Variants in CRLF3 observed in about 807,000 individuals in gnomAD.
The protein encoded by CRLF3 is cytokine receptor like factor 3.
In CRLF3, 33 loss-of-function variants were observed where a neutral mutation model predicts 55.0. The ratio of observed to expected loss-of-function variants is 0.60; its 90% CI spans 0.46 to 0.80. CRLF3 has a LOEUF of 0.80. Among genes scored for constraint, CRLF3 ranks in the 30% least tolerant of loss-of-function variants. The pLI is 0.00. For synonymous variants in CRLF3, 238 were observed against 196.8 expected (o/e 1.21, Z -1.75); for missense variants, 494 against 538.4 (o/e 0.92, Z 0.82).
chr17:30,822,047 T>C (rs1463573940), intron 1 of CRLF3, among the ~76,000 whole-genome samples: 1 of 134,250 alleles, frequency 7.4e-6, no homozygotes, highest in East Asian at 2.1e-4. Flanking sequence ...AACAAAACCC[T>C]GTCCGCACCC....
intron 3 of CRLF3, 95 bp from the exon 4 acceptor site, chr17:30,796,432 G>C: frequency 1.2e-6 from 1 of 869,042 alleles, no homozygotes; most frequent in Admixed American, 2.9e-5. Context: ...GAAAGATCCT[G>C]AAGCCCCCAG....
chr17:30,789,646 A>C (rs928869817), intron 6 of CRLF3, among the ~76,000 whole-genome samples: 1 of 152,208 alleles, frequency 6.6e-6, no homozygotes, highest in East Asian at 1.9e-4. Context: ...TCTATGCCTC[A>C]GTTTCCTCAT....
Position 30,783,955 on chromosome 17 carries a change from TTGTGA to T in CRLF3, c.*227_*231del, listed in dbSNP as rs370176604. The T allele has an allele frequency of 3.7e-3, 1,695 of 456,226 alleles. 28 individuals are homozygous for T. Among genetic ancestry groups the T allele is most frequent in the African/African-American group, 0.031 (1,541 of 50,212 alleles). The allele number at this position is 456,226 out of a possible 1,614,324, so 28.3% of individuals were successfully genotyped here. On this transcript the variant is annotated 3_prime_UTR_variant, in exon 8 of 8. Coordinates refer to ENST00000324238, the MANE Select transcript of CRLF3 (RefSeq NM_015986.4). ...ACTTTTAATGCCAATTTGATTTTTATTGTGATGTGATATTTAACAGTATGCTAAAA... is the reference window on the plus strand; with the variant it reads ...ACTTTTAATGCCAATTTGATTTTTATTGTGATATTTAACAGTATGCTAAAA...
At chr17:30,820,615 A>C (rs1333944296) in intron 1 of CRLF3, among the ~76,000 whole-genome samples, 2 of 152,198 alleles carry the variant, frequency 1.3e-5, no homozygotes, top group East Asian at 3.9e-4. Flanking sequence ...AACATGGTGA[A>C]ACCCTGTCTC....
intron 6 of CRLF3, among the ~76,000 whole-genome samples, chr17:30,788,596 C>CTTTTTT (rs1429494338): frequency 4.2e-5 from 5 of 120,278 alleles, no homozygotes; most frequent in African/African-American, 1.1e-4. Flanking sequence ...AAAGTAGTGC[C>CTTTTTT]TTCTTTTTTT....
At chr17:30,799,800 C>T (rs1432844452) in intron 2 of CRLF3, among the ~76,000 whole-genome samples, 4 of 152,086 alleles carry the variant, frequency 2.6e-5, no homozygotes, top group Admixed American at 6.6e-5. Context: ...CCACCGCGCC[C>T]GGCCAGGATT....
rs185684608 is a variant in CRLF3 at position 30,823,429 on chromosome 17, A to T, written c.129+1094T>A. 2.0e-5 allele frequency among the ~76,000 whole-genome samples: 3 copies of T among 151,810 alleles called. No homozygotes were observed. The Admixed American group carries it at 2.0e-4, about 10-fold the overall frequency. On this transcript the variant is annotated intron_variant, in intron 1 of 7. Coordinates refer to ENST00000324238, the MANE Select transcript of CRLF3 (RefSeq NM_015986.4). ...TGTATATGTTTTATATATATATATA[A>T]AACCCAAAACATGTTGAGTCGTTAA...
chr17:30,814,926 C>A (rs1410598906), intron 1 of CRLF3, among the ~76,000 whole-genome samples: 1 of 151,818 alleles, frequency 6.6e-6, no homozygotes, highest in Non-Finnish European at 1.5e-5. Context: ...ACTTGAACCC[C>A]CGGGAGGCGG....
In CRLF3 at chr17:30,784,141, G is replaced by A. The variant is rs1971576376; in HGVS notation, c.*46C>T. 1 of 1,565,160 alleles carries A rather than the reference G, an allele frequency of 6.4e-7. No individual in the cohort carries two copies. Among genetic ancestry groups the A allele is most frequent in the Non-Finnish European group, 8.7e-7 (1 of 1,151,128 alleles). ...GCAATTACAACTACGCTGGGCTGAGGACAGCTACGTTAGACCCTGAAAACC... is the reference window on the plus strand; with the variant it reads ...GCAATTACAACTACGCTGGGCTGAGAACAGCTACGTTAGACCCTGAAAACC... On this transcript the variant is annotated 3_prime_UTR_variant, in exon 8 of 8. Transcript: ENST00000324238.
At chr17:30,812,239 G>A (rs1360741682) in intron 1 of CRLF3, among the ~76,000 whole-genome samples, 1 of 152,062 alleles carries the variant, frequency 6.6e-6, no homozygotes, top group East Asian at 1.9e-4. Context: ...ATTTGTCTTT[G>A]TACTGACACC....
intron 2 of CRLF3, among the ~76,000 whole-genome samples, chr17:30,799,787 G>A (rs1971978013): frequency 6.6e-6 from 1 of 152,080 alleles, no homozygotes; most frequent in African/African-American, 2.4e-5. Context: ...TTACAGGCAC[G>A]AGCCACCGCG....
In CRLF3 at chr17:30,788,599, CTTTTTTTTT is replaced by C. The variant is rs1159336036; in HGVS notation, c.960-2577_960-2569del. The stretch of plus-strand genomic sequence containing the variant: ...GGGATAAATAACAAAGTAGTGCCTT[CTTTTTTTTT>C]TTTTTTTTTTTTTTTTTGAGACAGC... On this transcript the variant is annotated intron_variant, in intron 6 of 7. Transcript: ENST00000324238. 9.5e-4 allele frequency among the ~76,000 whole-genome samples: 76 copies of C among 80,040 alleles called. 1 individual carries two copies. The highest frequency in any genetic ancestry group is 3.4e-3 in the African/African-American group (58 of 17,234). The allele number at this position is 80,040 out of a possible 152,430, so 52.5% of individuals were successfully genotyped here.
intron 1 of CRLF3, among the ~76,000 whole-genome samples, chr17:30,807,145 A>G (rs73988187): frequency 0.07 from 10,634 of 152,176 alleles, 1,224 homozygotes; most frequent in African/African-American, 0.24. Context: ...AGCCACTCCG[A>G]TAAGTTAAAG....
At chr17:30,792,391 A>G (rs1389517128) in intron 6 of CRLF3, 49 bp downstream of exon 6, 2 of 1,559,322 alleles carry the variant, frequency 1.3e-6, no homozygotes, top group East Asian at 2.3e-5. Context: ...TGCTCTATGC[A>G]CTTCACTCTG....
At chr17:30,804,998 C>T (rs748606333) in intron 1 of CRLF3, among the ~76,000 whole-genome samples, 12 of 151,998 alleles carry the variant, frequency 7.9e-5, no homozygotes, top group Non-Finnish European at 1.5e-4. Flanking sequence ...GCCTGGCCAA[C>T]GTAGTGAAAC....
chr17:30,792,408 G>T lies in CRLF3; in HGVS notation c.959+32C>A, dbSNP rs200913309. 6 of 1,585,872 alleles carry T rather than the reference G, an allele frequency of 3.8e-6. No individual in the cohort carries two copies. In the African/African-American group the frequency reaches 8.1e-5, roughly 21 times the overall value. ...CTCTATGCACTTCACTCTGCTTCCT[G>T]AGGCAGGTGAGATGTTTTAATATCT... is the stretch of plus-strand genomic sequence containing the variant. On this transcript the variant is annotated intron_variant, in intron 6 of 7. Transcript: ENST00000324238.
intron 2 of CRLF3, among the ~76,000 whole-genome samples, chr17:30,802,207 C>G (rs545513242): frequency 1.0e-3 from 152 of 151,572 alleles, no homozygotes; most frequent in Non-Finnish European, 2.0e-3. Context: ...ACTGCAACCT[C>G]CGCCTCCCGG....
chr17:30,796,435 G>A, intron 3 of CRLF3, 98 bp from the exon 4 acceptor site: 1 of 854,728 alleles, frequency 1.2e-6, no homozygotes, highest in Non-Finnish European at 1.8e-6. Flanking sequence ...AGATCCTGAA[G>A]CCCCCAGTAA....
At chr17:30,811,195 C>T (rs1567667048) in intron 1 of CRLF3, among the ~76,000 whole-genome samples, 1 of 151,970 alleles carries the variant, frequency 6.6e-6, no homozygotes, top group South Asian at 2.1e-4. Context: ...TGGCTTACGC[C>T]TGTAATCCTA....
Sources: allele counts gnomAD v4.1 joint callset (sites outside exome capture counted in the v4.1 genomes callset), GRCh38; gene constraint gnomAD v4.1.1; transcripts MANE v1.5; gene names NCBI Gene and HGNC (gene_info 2026-07-23, HGNC 2026-07-21).